Variants in CNTN4 observed in about 807,000 individuals in gnomAD.
CNTN4 encodes the protein contactin-4.
A neutral mutation model predicts 122.5 loss-of-function variants in CNTN4; 77 were observed. The observed-to-expected ratio is 0.63, with a 90% confidence interval of 0.52 to 0.76. CNTN4 has a LOEUF of 0.76. CNTN4 is among the 30% of genes least tolerant of loss of function. The pLI, the probability that CNTN4 is intolerant of heterozygous loss-of-function variation, is 0.00. For missense variants in CNTN4, 1,256 were observed against 1,259.1 expected (o/e 1.00, Z 0.04); for synonymous variants, 512 against 447.0 (o/e 1.15, Z -1.83).
At chr3:2,643,096 A>C (rs527439687) in intron 4 of CNTN4, among the ~76,000 whole-genome samples, 1 of 152,194 alleles carries the variant, frequency 6.6e-6, no homozygotes, top group Admixed American at 6.5e-5. Flanking sequence ...TATCATCTCT[A>C]TGGAGCCCCT....
At chr3:3,036,784 GA>G (rs11317775) in intron 17 of CNTN4, among the ~76,000 whole-genome samples, 66,601 of 141,616 alleles carry the variant, frequency 0.47, 15,098 homozygotes, top group African/African-American at 0.49. Flanking sequence ...CTCAAAAAAA[GA>G]AAAAAAAAAA....
intron 2 of CNTN4, among the ~76,000 whole-genome samples, chr3:2,221,443 T>C: frequency 6.6e-6 from 1 of 151,374 alleles, no homozygotes; most frequent in Non-Finnish European, 1.5e-5. Flanking sequence ...GAGCCAAAAC[T>C]CTGAGAAGAA....
intron 4 of CNTN4, among the ~76,000 whole-genome samples, chr3:2,588,035 C>G (rs1300308291): frequency 6.6e-6 from 1 of 151,484 alleles, no homozygotes; most frequent in Non-Finnish European, 1.5e-5. Context: ...TCTCTACGCT[C>G]CCTGTATTAT....
chr3:2,495,912 C>T (rs970047473), intron 3 of CNTN4, among the ~76,000 whole-genome samples: 2 of 152,160 alleles, frequency 1.3e-5, no homozygotes, highest in Admixed American at 1.3e-4. Flanking sequence ...GCCACTAGAA[C>T]ATAGCACAGA....
intron 2 of CNTN4, among the ~76,000 whole-genome samples, chr3:2,205,848 GA>G (rs2038317536): frequency 6.6e-6 from 1 of 152,034 alleles, no homozygotes; most frequent in Non-Finnish European, 1.5e-5. Flanking sequence ...GTAATGAGTG[GA>G]TAAAATGGTG....
chr3:2,645,271 C>G (rs2083069620), intron 4 of CNTN4, among the ~76,000 whole-genome samples: 1 of 152,042 alleles, frequency 6.6e-6, no homozygotes, highest in South Asian at 2.1e-4. Context: ...CCTGATAATA[C>G]CTTATTGTAC....
intron 3 of CNTN4, among the ~76,000 whole-genome samples, chr3:2,393,318 A>G (rs2046515096): frequency 1.3e-5 from 2 of 152,190 alleles, no homozygotes; most frequent in African/African-American, 4.8e-5. Flanking sequence ...TAAATAGGTC[A>G]CATTCTGAGC....
In CNTN4 at chr3:2,504,165, T is replaced by C. The variant is rs1465022036; in HGVS notation, c.-88-67251T>C. The stretch of plus-strand genomic sequence containing the variant: ...GCAGAAGTTGAAAGTGACCCTAATC[T>C]GAGAAGTGTAGTATTTTTAGCACTA... On this transcript the variant is annotated intron_variant, in intron 3 of 24. Transcript: ENST00000418658. Among the ~76,000 whole-genome samples the C allele has an allele frequency of 2.0e-5, 3 of 152,124 alleles. No individual in the cohort carries two copies. In the East Asian group the frequency reaches 5.8e-4, roughly 29 times the overall value.
intron 3 of CNTN4, among the ~76,000 whole-genome samples, chr3:2,540,830 A>G (rs17563566): frequency 0.093 from 14,116 of 152,210 alleles, 873 homozygotes; most frequent in Non-Finnish European, 0.14. Context: ...TTTATTTGCC[A>G]ATTAATAGAG....
intron 18 of CNTN4, 96 bp downstream of exon 18, chr3:3,037,424 C>T (rs1699709508): frequency 1.3e-6 from 2 of 1,518,898 alleles, no homozygotes; most frequent in Non-Finnish European, 1.8e-6. Context: ...GCTCATGCGG[C>T]TCTGTGTTAG....
intron 3 of CNTN4, among the ~76,000 whole-genome samples, chr3:2,372,213 T>G (rs1195020105): frequency 6.6e-6 from 1 of 152,194 alleles, no homozygotes; most frequent in Non-Finnish European, 1.5e-5. Context: ...TTATTCATTT[T>G]TATTGAGGAC....
At chr3:2,252,196 CAACATAGTTGAGTGGTGAAACT>C (rs2040404103) in intron 2 of CNTN4, among the ~76,000 whole-genome samples, 1 of 151,876 alleles carries the variant, frequency 6.6e-6, no homozygotes, top group African/African-American at 2.4e-5. Flanking sequence ...TTTTTCCCTC[CAACATAGTTGAGTGGTGAAACT>C]ATACTCTTGA....
chr3:2,137,753 G>A (rs1225607471), intron 2 of CNTN4, among the ~76,000 whole-genome samples: 2 of 152,176 alleles, frequency 1.3e-5, no homozygotes, highest in Non-Finnish European at 2.9e-5. Flanking sequence ...AAGGGAGATA[G>A]GGCAGTCAGT....
intron 4 of CNTN4, among the ~76,000 whole-genome samples, chr3:2,675,651 T>C (rs1022632673): frequency 7.2e-5 from 11 of 152,178 alleles, no homozygotes; most frequent in African/African-American, 2.7e-4. Context: ...ACATGCTTAG[T>C]AAGTACACAT....
At chr3:2,205,030 A>G (rs540508430) in intron 2 of CNTN4, among the ~76,000 whole-genome samples, 1 of 152,210 alleles carries the variant, frequency 6.6e-6, no homozygotes, top group South Asian at 2.1e-4. Context: ...TTTGCTTAAT[A>G]AAATAGTTAC....
At chr3:2,775,980 T>C (rs1016877183) in intron 6 of CNTN4, among the ~76,000 whole-genome samples, 2 of 152,230 alleles carry the variant, frequency 1.3e-5, no homozygotes, top group Admixed American at 6.5e-5. Flanking sequence ...TGACCCCTTC[T>C]TCCTTTGCGC....
chr3:2,493,329 C>T (rs957699161), intron 3 of CNTN4, among the ~76,000 whole-genome samples: 5 of 151,858 alleles, frequency 3.3e-5, no homozygotes, highest in South Asian at 2.1e-4. Flanking sequence ...GAAGAGTTTA[C>T]GTATCAGAAA....
chr3:2,613,150 G>T (rs1264263795), intron 4 of CNTN4, among the ~76,000 whole-genome samples: 1 of 150,330 alleles, frequency 6.7e-6, no homozygotes, highest in Non-Finnish European at 1.5e-5. Context: ...TTTTACTTAA[G>T]ATAGCTTCCG....
chr3:2,342,685 T>C (rs113906004), intron 3 of CNTN4, among the ~76,000 whole-genome samples: 271 of 152,328 alleles, frequency 1.8e-3, no homozygotes, highest in African/African-American at 6.3e-3. Flanking sequence ...TTCTTCCTGC[T>C]GCCATGTGAA....
Sources: allele counts gnomAD v4.1 joint callset (sites outside exome capture counted in the v4.1 genomes callset), GRCh38; gene constraint gnomAD v4.1.1; transcripts MANE v1.5; gene names NCBI Gene and HGNC (gene_info 2026-07-23, HGNC 2026-07-21).